The following USP14 variants were observed in gnomAD, a reference collection of about 807,000 sequenced individuals.
The protein encoded by USP14 is ubiquitin carboxyl-terminal hydrolase 14.
In USP14, 38 loss-of-function variants were observed where a neutral mutation model predicts 76.5. The observed-to-expected ratio is 0.50, with a 90% CI of 0.38 to 0.65. The LOEUF (loss-of-function observed/expected upper bound fraction) is 0.65. USP14 is among the 30% of genes least tolerant of loss of function. USP14 has a pLI of 0.00. For synonymous variants in USP14, 192 were observed against 191.7 expected, an observed-to-expected ratio of 1.00 and a Z score of -0.01; for missense variants, 467 against 586.5, an observed-to-expected ratio of 0.80 and a Z score of 2.10.
intron 6 of USP14, 121 bp downstream of exon 6, chr18:193,021 C>G: frequency 1.6e-6 from 1 of 630,986 alleles, no homozygotes; most frequent in Non-Finnish European, 2.5e-6. Context: ...CTGGAGTGTA[C>G]ATTATACTTA....
At chr18:194,294 C>T (rs1910170685) in intron 6 of USP14, among the ~76,000 whole-genome samples, 1 of 152,120 alleles carries the variant, frequency 6.6e-6, no homozygotes, top group Non-Finnish European at 1.5e-5. Context: ...TCATTTATAT[C>T]TACTTCATTT....
chr18:171,852 AAAG>A (rs1270240738), intron 3 of USP14, among the ~76,000 whole-genome samples: 1 of 152,208 alleles, frequency 6.6e-6, no homozygotes, highest in Non-Finnish European at 1.5e-5. Flanking sequence ...CAGGAGTTTG[AAAG>A]AAGTTGATTC....
rs138104273 is a variant in USP14 at position 179,552 on chromosome 18, T to C, written c.300+515T>C. Among the ~76,000 whole-genome samples, 10 of 151,114 alleles carry C rather than the reference T, an allele frequency of 6.6e-5. No individual in the cohort carries two copies. In the East Asian group the frequency reaches 1.8e-3, roughly 26 times the overall value. On this transcript the variant is annotated intron_variant, in intron 4 of 15. Coordinates refer to ENST00000261601, the MANE Select transcript of USP14 (RefSeq NM_005151.4). Reference sequence around the variant, plus strand: ...TTTTTAACACCTAGCATTTATTTAGTGCCATTCATTCATTTTCATGGTTTT... The same window carrying C: ...TTTTTAACACCTAGCATTTATTTAGCGCCATTCATTCATTTTCATGGTTTT...
intron 3 of USP14, among the ~76,000 whole-genome samples, chr18:173,861 T>C (rs558719961): frequency 3.9e-5 from 6 of 152,248 alleles, no homozygotes; most frequent in Non-Finnish European, 7.3e-5. Flanking sequence ...TTGTTGAAAA[T>C]CAGTTGACCA....
chr18:198,242 GT>G (rs969852062), intron 9 of USP14, 110 bp downstream of exon 9: 11 of 1,001,520 alleles, frequency 1.1e-5, no homozygotes, highest in Admixed American at 5.3e-5. Flanking sequence ...TTCTTCAGAG[GT>G]TTTTTTTCTT....
chr18:163,255 G>A, intron 1 of USP14, 53 bp from the exon 2 acceptor site: 1 of 1,518,338 alleles, frequency 6.6e-7, no homozygotes, highest in Non-Finnish European at 8.9e-7. Flanking sequence ...CTAAGGGTCT[G>A]TAAATCTTGT....
chr18:184,871 G>A (rs1272046073), intron 5 of USP14, among the ~76,000 whole-genome samples: 4 of 152,194 alleles, frequency 2.6e-5, no homozygotes, highest in African/African-American at 7.2e-5. Context: ...GAGGCAGTAA[G>A]GATCAAGAAC....
chr18:204,207 C>A (rs1318686482), intron 12 of USP14, among the ~76,000 whole-genome samples: 5 of 151,250 alleles, frequency 3.3e-5, no homozygotes, highest in South Asian at 2.1e-4. Context: ...AAAAAAAAAA[C>A]CATAAGTTTA....
chr18:197,478 A>G (rs1910268345), intron 7 of USP14, 138 bp from the exon 8 acceptor site: 4 of 619,470 alleles, frequency 6.5e-6, no homozygotes, highest in Non-Finnish European at 1.1e-5. Flanking sequence ...ATTTTTTGGA[A>G]GATCGTATGT....
rs1015320772 is a variant in USP14 at position 181,498 on chromosome 18, C to T, written c.404+1159C>T. On this transcript the variant is annotated intron_variant, in intron 5 of 15. Transcript: ENST00000261601. ...TCTTTGGAGAAATGTCTGTTTAAATCTTTTGCCTGTGTTTTAATTGGGTTA... is the reference window on the plus strand; with the variant it reads ...TCTTTGGAGAAATGTCTGTTTAAATTTTTTGCCTGTGTTTTAATTGGGTTA... 5.3e-5 allele frequency among the ~76,000 whole-genome samples: 8 copies of T among 152,216 alleles called. No homozygotes were observed. The East Asian group carries it at 1.5e-3, about 29-fold the overall frequency.
chr18:202,264 G>A (rs1192187285), intron 10 of USP14, among the ~76,000 whole-genome samples: 1 of 152,226 alleles, frequency 6.6e-6, no homozygotes, highest in Non-Finnish European at 1.5e-5. Flanking sequence ...CTATAACATT[G>A]ATTACCACTA....
chr18:204,623 GA>G lies in USP14; in HGVS notation c.1099del (p.Met367TrpfsTer11). ...YELCTPELQEKMVSFRSKFKD... is the reference protein window; with the variant it reads ...YELCTPELQEXMVSFRSKFKD... ...AACTGTGTACACCAGAACTTCAAGA[GA>G]AAATGGTGTCTTTTCGATCCAAATT... On this transcript the variant is annotated frameshift_variant, in exon 13 of 16. Transcript: ENST00000261601. LOFTEE classifies it high-confidence loss of function. 6.2e-7 allele frequency: 1 copy of G among 1,613,354 alleles called. No homozygotes were observed. The highest frequency in any genetic ancestry group is 8.5e-7 in the Non-Finnish European group (1 of 1,179,716).
intron 2 of USP14, among the ~76,000 whole-genome samples, chr18:164,566 G>C (rs181459529): frequency 6.6e-6 from 1 of 152,122 alleles, no homozygotes; most frequent in Non-Finnish European, 1.5e-5. Flanking sequence ...CGATTCTTAT[G>C]CCTCAGCCTC....
In USP14 at chr18:212,422, G is replaced by A. The variant is rs982521037; in HGVS notation, c.*1138G>A. 2 of 152,128 alleles carry A rather than the reference G, an allele frequency of 1.3e-5. No individual in the cohort carries two copies. The highest frequency in any genetic ancestry group is 4.8e-5 in the African/African-American group (2 of 41,390). The allele number at this position is 152,128 out of a possible 1,614,324, so 9.4% of individuals were successfully genotyped here. A position where few individuals can be genotyped will look rare whatever the true frequency, so the allele number is the denominator to read the frequency against. On this transcript the variant is annotated 3_prime_UTR_variant, in exon 16 of 16. Coordinates refer to ENST00000261601, the MANE Select transcript of USP14 (RefSeq NM_005151.4). Reference sequence around the variant, plus strand: ...GAGTTCGAGACCAGCCTGGCCACATGGTGAAACCCTGTCTCTACTAAAGAT... The same window carrying A: ...GAGTTCGAGACCAGCCTGGCCACATAGTGAAACCCTGTCTCTACTAAAGAT...
chr18:163,149 AC>A, intron 1 of USP14, 158 bp from the exon 2 acceptor site: 1 of 570,382 alleles, frequency 1.8e-6, no homozygotes, highest in Non-Finnish European at 3.0e-6. Context: ...TTCAGCACCT[AC>A]TGCATGCATG....
intron 3 of USP14, among the ~76,000 whole-genome samples, chr18:168,907 TA>T (rs372757246): frequency 1.2e-4 from 17 of 146,996 alleles, no homozygotes; most frequent in Non-Finnish European, 1.5e-4. Context: ...CCGTCTCTAC[TA>T]AAAAAAAAAT....
intron 12 of USP14, 80 bp from the exon 13 acceptor site, chr18:204,484 C>A: frequency 8.6e-7 from 1 of 1,165,624 alleles, no homozygotes; most frequent in Non-Finnish European, 1.2e-6. Context: ...ATTATGAAAG[C>A]ATTACTTCAG....
At position 198,043 on chromosome 18, in the gene USP14, GCAGA is replaced by G; in HGVS notation, c.678_681del (p.Asp227ProfsTer15). On this transcript the variant is annotated splice_acceptor_variant and splice_polypyrimidine_tract_variant and coding_sequence_variant and intron_variant, in exon 9 of 16. Transcript: ENST00000261601. LOFTEE classifies it high-confidence loss of function. ...AGTTGGAATTTTTATTTTAATTTTT[GCAGA>G]CAGACTCCTCATCTGCATCGGCAGC... 1.9e-6 allele frequency: 3 copies of G among 1,600,124 alleles called. No individual in the cohort carries two copies. The highest frequency in any genetic ancestry group is 1.1e-5 in the South Asian group (1 of 88,300).
At chr18:174,494 G>C (rs1247552621) in intron 3 of USP14, among the ~76,000 whole-genome samples, 5 of 151,806 alleles carry the variant, frequency 3.3e-5, no homozygotes, top group Non-Finnish European at 5.9e-5. Context: ...TCAAACTCCT[G>C]ACTTAGAGTG....
Sources: allele counts gnomAD v4.1 joint callset (sites outside exome capture counted in the v4.1 genomes callset), GRCh38; gene constraint gnomAD v4.1.1; transcripts MANE v1.5; gene names NCBI Gene and HGNC (gene_info 2026-07-23, HGNC 2026-07-21).